Variants in CARMIL1 observed in about 807,000 individuals in gnomAD.
The protein encoded by CARMIL1 is capping protein regulator and myosin 1 linker 1.
Under a neutral mutation model 177.1 loss-of-function variants are expected in CARMIL1, and 90 were observed. That is an observed-to-expected ratio of 0.51 (90% confidence interval 0.43 to 0.61). The LOEUF is 0.61. Among genes scored for constraint, CARMIL1 ranks in the 20% least tolerant of loss-of-function variants. The pLI, the probability that CARMIL1 is intolerant of heterozygous loss-of-function variation, is 0.00. For synonymous variants in CARMIL1, 577 were observed against 606.2 expected, an observed-to-expected ratio of 0.95 and a Z score of 0.71; for missense variants, 1,380 against 1,667.0, an observed-to-expected ratio of 0.83 and a Z score of 3.00.
chr6:25,601,005 G>A (rs186084053), intron 33 of CARMIL1, among the ~76,000 whole-genome samples: 8 of 152,154 alleles, frequency 5.3e-5, no homozygotes, highest in African/African-American at 1.9e-4. Flanking sequence ...TACCCATTTT[G>A]TACCTCTTTT....
chr6:25,608,379 G>GGT (rs1816188440), intron 35 of CARMIL1, among the ~76,000 whole-genome samples: 1 of 151,926 alleles, frequency 6.6e-6, no homozygotes, highest in Non-Finnish European at 1.5e-5. Context: ...CTTTATTATA[G>GGT]GTGTGTGTGT....
rs115463271 is a variant in CARMIL1, at chr6:25,361,099, A to G, written c.139-59015A>G. On this transcript the variant is annotated intron_variant, in intron 2 of 36. Coordinates refer to ENST00000329474, the MANE Select transcript of CARMIL1 (RefSeq NM_017640.6). ...GTTAGGGGCTTATGATAAAGTCTTC[A>G]TTTTCAGATCTTTATGTAGAAGATA... Among the ~76,000 whole-genome samples the G allele has an allele frequency of 2.8e-3, 429 of 152,206 alleles. 2 individuals are homozygous for G. Among genetic ancestry groups the G allele is most frequent in the African/African-American group, 1.0e-2 (415 of 41,528 alleles).
chr6:25,353,360 G>A (rs898059680), intron 2 of CARMIL1, among the ~76,000 whole-genome samples: 2 of 152,164 alleles, frequency 1.3e-5, no homozygotes, highest in Non-Finnish European at 2.9e-5. Context: ...CTGTCCCAAA[G>A]TCTCAGATTA....
At chr6:25,451,985 T>TGGGGGGGGGGGGGGGGGGGGGGGGG in intron 8 of CARMIL1, 1 of 105,384 alleles carries the variant, frequency 9.5e-6, no homozygotes, top group Non-Finnish European at 1.8e-5. Context: ...ACTAGCATCT[T>TGGGGGGGGGGGGGGGGGGGGGGGGG]GCCCCCCCCT....
intron 29 of CARMIL1, among the ~76,000 whole-genome samples, chr6:25,576,323 C>T (rs1046925912): frequency 6.6e-6 from 1 of 151,058 alleles, no homozygotes; most frequent in African/African-American, 2.4e-5. Flanking sequence ...TAAATTCCCA[C>T]TAAGGTATAA....
chr6:25,567,334 C>T (rs1257581618), intron 29 of CARMIL1, among the ~76,000 whole-genome samples: 7 of 152,158 alleles, frequency 4.6e-5, no homozygotes, highest in Admixed American at 1.3e-4. Context: ...TTATTATTCT[C>T]AGTGGAACTG....
At position 25,558,199 on chromosome 6, in the gene CARMIL1, G is replaced by T. The variant is rs1409456060; in HGVS notation, c.2742+1349G>T. Among the ~76,000 whole-genome samples the T allele has an allele frequency of 6.6e-6, 1 of 152,100 alleles. No individual in the cohort carries two copies. The highest frequency in any genetic ancestry group is 1.5e-5 in the Non-Finnish European group (1 of 68,010). ...AGCCCTAAAAGAAAACAAATAATAA[G>T]AAATAGATTTGAATTAAAAATTTGA... On this transcript the variant is annotated intron_variant, in intron 29 of 36. Transcript: ENST00000329474. This position sits in a 1 kb window ranked among gnomAD's most constrained non-coding sequence, Gnocchi z 4.1.
At position 25,550,152 on chromosome 6, in the gene CARMIL1, T is replaced by C. The variant is rs1809938549; in HGVS notation, c.2329-758T>C. Among the ~76,000 whole-genome samples, 3 of 152,322 alleles carry C rather than the reference T, an allele frequency of 2.0e-5. No homozygotes were observed. In the South Asian group the frequency reaches 6.2e-4, roughly 32 times the overall value. ...ATCATTTAACTTCCCTTAGCTCACA[T>C]TCTTCAACCGTAAAATGGTGATCAC... On this transcript the variant is annotated intron_variant, in intron 26 of 36. Coordinates refer to ENST00000329474, the MANE Select transcript of CARMIL1 (RefSeq NM_017640.6).
intron 8 of CARMIL1, among the ~76,000 whole-genome samples, chr6:25,459,274 T>TC (rs1799907930): frequency 3.6e-4 from 11 of 30,938 alleles, no homozygotes; most frequent in Non-Finnish European, 5.3e-4. Context: ...TTCTTTTTTT[T>TC]TTTTTTAAGA....
chr6:25,322,531 A>C (rs7764111), intron 2 of CARMIL1, among the ~76,000 whole-genome samples: 42,003 of 152,118 alleles, frequency 0.28, 6,258 homozygotes, highest in East Asian at 0.4. Context: ...AAAATACACA[A>C]ACTTTAGGTA....
At chr6:25,591,382 A>G (rs946460259) in intron 31 of CARMIL1, among the ~76,000 whole-genome samples, 6 of 152,236 alleles carry the variant, frequency 3.9e-5, no homozygotes, top group Admixed American at 1.3e-4. Context: ...TATCAGCAAC[A>G]GCGATTCCTG....
Position 25,539,972 on chromosome 6 carries a change from G to A in CARMIL1, c.2222G>A (p.Gly741Asp). 6.3e-7 allele frequency: 1 copy of A among 1,596,604 alleles called. No homozygotes were observed. Among genetic ancestry groups the A allele is most frequent in the Non-Finnish European group, 8.5e-7 (1 of 1,173,134 alleles). ...KTLLPNLYHV[G>D]GASWAGASGL... The stretch of plus-strand genomic sequence containing the variant: ...TTGTTACCAAATTTATACCATGTTG[G>A]TGGTGCATCTTGGGCGGGAGCCAGT... The change falls in exon 26 of 37, where the codon GGT becomes GAT. Residue 741 changes from glycine (G) to aspartate (D), a missense_variant. Transcript: ENST00000329474.
In CARMIL1 at chr6:25,464,709, A is replaced by G. The variant is rs138588869; in HGVS notation, c.615-1164A>G. 7.2e-5 allele frequency among the ~76,000 whole-genome samples: 11 copies of G among 152,358 alleles called. No homozygotes were observed. In the East Asian group the frequency reaches 2.1e-3, roughly 29 times the overall value. On this transcript the variant is annotated intron_variant, in intron 8 of 36. Transcript: ENST00000329474. ...AGGGGACTGATGCTTAAAGCAACAAACTATAATATAAGATAGAATAAATAA... is the reference window on the plus strand; with the variant it reads ...AGGGGACTGATGCTTAAAGCAACAAGCTATAATATAAGATAGAATAAATAA...
chr6:25,287,553 T>C (rs1161236487), intron 2 of CARMIL1: 1 of 152,824 alleles, frequency 6.5e-6, no homozygotes, highest in African/African-American at 2.4e-5. Context: ...ATAGCTAATA[T>C]TTATTAAACA....
Position 25,391,506 on chromosome 6 carries a change from C to T in CARMIL1, c.139-28608C>T, listed in dbSNP as rs41433851. On this transcript the variant is annotated intron_variant, in intron 2 of 36. Coordinates refer to ENST00000329474, the MANE Select transcript of CARMIL1 (RefSeq NM_017640.6). ...ACAGTTGTCTAGATGGTATCGAGAT[C>T]TTGCAGAAGATGATGGGTTGAGGTT... 8.6e-3 allele frequency among the ~76,000 whole-genome samples: 1,310 copies of T among 152,270 alleles called. 16 individuals carry two copies. The highest frequency in any genetic ancestry group is 0.028 in the African/African-American group (1,179 of 41,554).
chr6:25,356,273 G>T (rs1425628744), intron 2 of CARMIL1, among the ~76,000 whole-genome samples: 2 of 152,046 alleles, frequency 1.3e-5, no homozygotes, highest in African/African-American at 4.8e-5. Flanking sequence ...TAGCCAGGAT[G>T]GTCTCGATCT....
intron 2 of CARMIL1, among the ~76,000 whole-genome samples, chr6:25,331,743 T>C (rs1309012755): frequency 6.6e-6 from 1 of 152,210 alleles, no homozygotes; most frequent in Non-Finnish European, 1.5e-5. Context: ...TGAAGCCCAC[T>C]TACTTTAATT....
chr6:25,345,742 G>T (rs184779047), intron 2 of CARMIL1, among the ~76,000 whole-genome samples: 254 of 152,262 alleles, frequency 1.7e-3, no homozygotes, highest in Non-Finnish European at 2.5e-3. Context: ...TCAGCCTCCT[G>T]AGTAGCTGGG....
chr6:25,463,584 C>CA (rs147126231), intron 8 of CARMIL1, among the ~76,000 whole-genome samples: 2,478 of 152,272 alleles, frequency 0.016, 61 homozygotes, highest in African/African-American at 0.044. Flanking sequence ...ATTAAATCCA[C>CA]AAAAAAGATG....
Sources: allele counts gnomAD v4.1 joint callset (sites outside exome capture counted in the v4.1 genomes callset), GRCh38; gene constraint gnomAD v4.1.1; non-coding constraint Gnocchi (gnomAD v3.1); transcripts MANE v1.5; gene names NCBI Gene and HGNC (gene_info 2026-07-23, HGNC 2026-07-21).